Variants in PIK3CB observed in about 807,000 individuals in gnomAD.
PIK3CB encodes phosphatidylinositol 4,5-bisphosphate 3-kinase catalytic subunit beta isoform.
PIK3CB carries 39 observed loss-of-function variants against 136.8 expected under a neutral mutation model. The ratio of observed to expected loss-of-function variants is 0.29; its 90% CI spans 0.22 to 0.37. The LOEUF is 0.37. PIK3CB is among the 10% of genes least tolerant of loss of function. The pLI is 1.00. For synonymous variants in PIK3CB, 428 were observed against 436.6 expected (o/e 0.98, Z 0.25); for missense variants, 868 against 1,275.4 (o/e 0.68, Z 4.87).
At chr3:138,742,172 A>G (rs2045259172) in intron 5 of PIK3CB, among the ~76,000 whole-genome samples, 1 of 152,234 alleles carries the variant, frequency 6.6e-6, no homozygotes, top group South Asian at 2.1e-4. Context: ...TTCTCTGTAA[A>G]GGACCAGGTT....
intron 8 of PIK3CB, among the ~76,000 whole-genome samples, chr3:138,721,808 T>C (rs758022305): frequency 2.1e-4 from 32 of 152,174 alleles, no homozygotes; most frequent in Non-Finnish European, 3.7e-4. Flanking sequence ...ATAAGAGAGA[T>C]GAGAAGCATT....
At position 138,774,122 on chromosome 3, in the gene PIK3CB, C is replaced by T. The variant is rs944577028; in HGVS notation, c.-16-14763G>A. Among the ~76,000 whole-genome samples the T allele has an allele frequency of 2.5e-4, 38 of 152,152 alleles. 1 individual carries two copies. ...AACACTTTTGCTAATAACGCATAAA[C>T]AAAAATACCCAACATGTAATTGTAC... On this transcript the variant is annotated intron_variant, in intron 2 of 23. Coordinates refer to ENST00000674063, the MANE Select transcript of PIK3CB (RefSeq NM_006219.3).
chr3:138,679,252 TAAC>T (rs1283098466), intron 19 of PIK3CB, among the ~76,000 whole-genome samples: 2 of 152,208 alleles, frequency 1.3e-5, no homozygotes, highest in Admixed American at 6.5e-5. Flanking sequence ...CTTGATACAA[TAAC>T]AACACAATAA....
At chr3:138,704,365 T>TCATTACTCA (rs773714691) in intron 12 of PIK3CB, 78 bp downstream of exon 12, 1 of 965,292 alleles carries the variant, frequency 1.0e-6, no homozygotes, top group Non-Finnish European at 1.7e-6. Flanking sequence ...TTCTGTGAGT[T>TCATTACTCA]CATTACTATG....
chr3:138,785,244 A>G (rs536135870), intron 2 of PIK3CB, among the ~76,000 whole-genome samples: 2 of 148,282 alleles, frequency 1.3e-5, no homozygotes, highest in African/African-American at 5.0e-5. Flanking sequence ...GGCGGGGGGA[A>G]GCTCCCGCCC....
At chr3:138,666,073 AGATT>A (rs1434695979) in intron 19 of PIK3CB, among the ~76,000 whole-genome samples, 2 of 152,234 alleles carry the variant, frequency 1.3e-5, no homozygotes, top group African/African-American at 4.8e-5. Context: ...TCTGAAAAAT[AGATT>A]ATCAATTAAA....
chr3:138,731,290 T>C (rs1221723418), intron 8 of PIK3CB, among the ~76,000 whole-genome samples: 1 of 152,066 alleles, frequency 6.6e-6, no homozygotes, highest in African/African-American at 2.4e-5. Flanking sequence ...TCTCACTCTG[T>C]CACCGGGGTG....
chr3:138,793,409 C>T (rs916818979), intron 2 of PIK3CB, among the ~76,000 whole-genome samples: 1 of 151,896 alleles, frequency 6.6e-6, no homozygotes, highest in African/African-American at 2.4e-5. Context: ...AGTTTGAGAC[C>T]AGCCCCGTCA....
At chr3:138,665,746 CTTT>C (rs1056050909) in intron 19 of PIK3CB, among the ~76,000 whole-genome samples, 2 of 143,232 alleles carry the variant, frequency 1.4e-5, no homozygotes, top group African/African-American at 6.1e-5. Context: ...TTTTTAAAAA[CTTT>C]TTTTGACACA....
intron 19 of PIK3CB, among the ~76,000 whole-genome samples, chr3:138,681,461 C>G (rs1314211465): frequency 6.6e-6 from 1 of 152,166 alleles, no homozygotes; most frequent in East Asian, 1.9e-4. Flanking sequence ...GATTCCCAGT[C>G]TGAGGCTTGA....
intron 1 of PIK3CB, among the ~76,000 whole-genome samples, chr3:138,818,076 G>C (rs1933412315): frequency 1.3e-5 from 2 of 152,172 alleles, no homozygotes; most frequent in Admixed American, 6.6e-5. Context: ...TCGATAGCTT[G>C]AGCCTAGGAG....
intron 5 of PIK3CB, 22 bp from the exon 6 acceptor site, chr3:138,737,908 G>A (rs758371129): frequency 2.1e-5 from 31 of 1,466,704 alleles, no homozygotes; most frequent in Non-Finnish European, 2.7e-5. Context: ...GGGAGATGGG[G>A]AAAAAAGCAG....
chr3:138,658,383 G>A (rs1043927334), intron 21 of PIK3CB, among the ~76,000 whole-genome samples: 1 of 152,190 alleles, frequency 6.6e-6, no homozygotes. Context: ...CTAGGAGGTC[G>A]AGGCTGCAAT....
intron 1 of PIK3CB, among the ~76,000 whole-genome samples, chr3:138,810,641 G>A (rs552928574): frequency 4.6e-5 from 7 of 152,262 alleles, no homozygotes; most frequent in East Asian, 1.9e-4. Flanking sequence ...ATGTTGGGCC[G>A]GGCATGGTGG....
In PIK3CB at chr3:138,826,253, T is replaced by C. The variant is rs151141398; in HGVS notation, c.-122+8442A>G. ...TGAAACAGAGTTGCCGTGGGTGTCA[T>C]CAAAGCAGTGGACAAGAAGGCTGCT... On this transcript the variant is annotated intron_variant, in intron 1 of 23. Transcript: ENST00000674063. 12,146 of 1,577,096 alleles carry C rather than the reference T, an allele frequency of 7.7e-3. 70 individuals are homozygous for C. Among genetic ancestry groups the C allele is most frequent in the Non-Finnish European group, 9.5e-3 (11,051 of 1,161,932 alleles).
intron 1 of PIK3CB, among the ~76,000 whole-genome samples, chr3:138,830,059 G>A (rs1023466709): frequency 2.6e-5 from 4 of 152,128 alleles, no homozygotes; most frequent in Admixed American, 2.0e-4. Context: ...TACAGGTAGA[G>A]AAAGGAATAG....
At chr3:138,667,859 G>A (rs2043448997) in intron 19 of PIK3CB, among the ~76,000 whole-genome samples, 1 of 151,956 alleles carries the variant, frequency 6.6e-6, no homozygotes, top group South Asian at 2.1e-4. Context: ...CTGAGATCAG[G>A]GGTTCGAGAC....
intron 5 of PIK3CB, among the ~76,000 whole-genome samples, chr3:138,738,933 AACTT>A (rs1333612787): frequency 1.3e-5 from 2 of 152,136 alleles, no homozygotes; most frequent in Non-Finnish European, 2.9e-5. Context: ...TTAAAAACTA[AACTT>A]ACTATTTCAC....
intron 1 of PIK3CB, chr3:138,825,881 A>C (rs974088147): frequency 1.2e-4 from 176 of 1,516,208 alleles, no homozygotes; most frequent in Non-Finnish European, 1.5e-4. Flanking sequence ...CAATGTCAAG[A>C]ATGTGTCTGT....
Sources: gnomAD v4.1 joint callset for allele counts (sites outside exome capture counted in the v4.1 genomes callset) on GRCh38, gnomAD v4.1.1 for gene constraint, MANE v1.5 for transcripts, NCBI Gene and HGNC (gene_info 2026-07-23, HGNC 2026-07-21) for gene names.